The following SLC25A12 variants were observed in gnomAD, a reference collection of about 807,000 sequenced individuals.
The protein encoded by SLC25A12 is electrogenic aspartate/glutamate antiporter SLC25A12, mitochondrial.
A neutral mutation model predicts 83.3 loss-of-function variants in SLC25A12; 32 were observed. The ratio of observed to expected loss-of-function variants is 0.38; its 90% CI spans 0.29 to 0.52. SLC25A12 has a LOEUF of 0.52. SLC25A12 is among the 20% of genes least tolerant of loss of function. The pLI is 0.84. For missense variants in SLC25A12, 611 were observed against 835.6 expected (o/e 0.73, Z 3.31); for synonymous variants, 267 against 291.1 (o/e 0.92, Z 0.84).
At chr2:171,886,700 C>T (rs867763297) in intron 2 of SLC25A12, among the ~76,000 whole-genome samples, 2 of 151,936 alleles carry the variant, frequency 1.3e-5, no homozygotes, top group Non-Finnish European at 2.9e-5. Context: ...TTTGTAGAGA[C>T]AGGGTTTCAC....
chr2:171,874,779 A>G (rs551452139), intron 2 of SLC25A12, among the ~76,000 whole-genome samples: 84 of 152,358 alleles, frequency 5.5e-4, no homozygotes, highest in African/African-American at 1.9e-3. Flanking sequence ...TTAATGCAGA[A>G]ACAGAAAATC....
chr2:171,839,078 ACT>A (rs1191777413), intron 5 of SLC25A12, among the ~76,000 whole-genome samples: 5 of 152,222 alleles, frequency 3.3e-5, no homozygotes, highest in Admixed American at 2.0e-4. Flanking sequence ...TGTAAAATAG[ACT>A]CTGTAAATGC....
intron 17 of SLC25A12, among the ~76,000 whole-genome samples, 156 bp from the exon 18 acceptor site, chr2:171,785,631 A>G (rs890993315): frequency 3.9e-5 from 6 of 152,240 alleles, no homozygotes; most frequent in Non-Finnish European, 8.8e-5. Flanking sequence ...AACCACAGTC[A>G]TGATTTATAG....
At chr2:171,847,978 T>A (rs754016766) in intron 4 of SLC25A12, among the ~76,000 whole-genome samples, 2 of 152,230 alleles carry the variant, frequency 1.3e-5, no homozygotes, top group Non-Finnish European at 2.9e-5. Context: ...TTTAGCTGTA[T>A]CAGTCACTTA....
chr2:171,835,004 G>C, intron 6 of SLC25A12, 139 bp from the exon 7 acceptor site: 1 of 898,426 alleles, frequency 1.1e-6, no homozygotes, highest in Non-Finnish European at 1.8e-6. Flanking sequence ...TAAATACAAG[G>C]AAAGTATCAC....
chr2:171,815,172 G>A lies in SLC25A12; in HGVS notation c.961C>T (p.Leu321Phe), dbSNP rs1442445937. ...QSPGLGRPIW[L>F]QIAESAYRFT... ...CTGTAAGCAGACTCGGCAATCTGGA[G>A]CCAGATAGGCCTGCCTAACCCAGGA... Residue 321 changes from leucine to phenylalanine, a missense_variant, in exon 10 of 18, where the codon CTC (leucine) becomes TTC (phenylalanine). Transcript: ENST00000422440. 1 of 1,613,832 alleles carries A rather than the reference G, an allele frequency of 6.2e-7. No homozygotes were observed. Among genetic ancestry groups the A allele is most frequent in the Non-Finnish European group, 8.5e-7 (1 of 1,179,842 alleles).
At chr2:171,791,933 G>A (rs1335711954) in intron 14 of SLC25A12, among the ~76,000 whole-genome samples, 1 of 151,326 alleles carries the variant, frequency 6.6e-6, no homozygotes, top group Middle Eastern at 3.6e-3. Flanking sequence ...TCTTACTATG[G>A]TAAAAACACA....
In SLC25A12 at chr2:171,878,569, C is replaced by T. The variant is rs1031611250; in HGVS notation, c.67-9746G>A. Among the ~76,000 whole-genome samples the T allele has an allele frequency of 2.0e-5, 3 of 152,256 alleles. No individual in the cohort carries two copies. In the South Asian group the frequency reaches 6.2e-4, roughly 32 times the overall value. ...AGTATTCCTGGGCTTACCACGAGAT[C>T]GGTCCTGACTGGTCTAGGCAGCTTT... On this transcript the variant is annotated intron_variant, in intron 2 of 17. Coordinates refer to ENST00000422440, the MANE Select transcript of SLC25A12 (RefSeq NM_003705.5).
intron 4 of SLC25A12, among the ~76,000 whole-genome samples, chr2:171,849,291 C>T (rs1684864112): frequency 6.6e-6 from 1 of 151,714 alleles, no homozygotes; most frequent in East Asian, 1.9e-4. Flanking sequence ...ACTAATAACA[C>T]TCCACCTTTT....
intron 5 of SLC25A12, among the ~76,000 whole-genome samples, chr2:171,838,190 T>C (rs1684598054): frequency 6.6e-6 from 1 of 152,226 alleles, no homozygotes; most frequent in African/African-American, 2.4e-5. Context: ...GATTACATAA[T>C]TTTCATTCAC....
At chr2:171,879,447 C>T (rs753530610) in intron 2 of SLC25A12, among the ~76,000 whole-genome samples, 3 of 152,162 alleles carry the variant, frequency 2.0e-5, no homozygotes, top group Admixed American at 6.5e-5. Flanking sequence ...ATTTCTAACA[C>T]AGCAGGGAGG....
chr2:171,809,361 C>T (rs1683904396), intron 13 of SLC25A12: 1 of 515,072 alleles, frequency 1.9e-6, no homozygotes, highest in Non-Finnish European at 3.5e-6. Context: ...TCCTCTCCAG[C>T]ATCTGTTGTT....
intron 8 of SLC25A12, among the ~76,000 whole-genome samples, chr2:171,831,362 T>C (rs1357187282): frequency 6.6e-6 from 1 of 152,200 alleles, no homozygotes; most frequent in Non-Finnish European, 1.5e-5. Context: ...CCTGACCTTT[T>C]TGACTTTTGG....
At chr2:171,817,646 C>A (rs1264087147) in intron 9 of SLC25A12, among the ~76,000 whole-genome samples, 1 of 148,860 alleles carries the variant, frequency 6.7e-6, no homozygotes, top group African/African-American at 2.5e-5. Context: ...GTTATTTCCC[C>A]CACTTAGAGT....
At chr2:171,836,972 AC>A in intron 6 of SLC25A12, 148 bp downstream of exon 6, 1 of 712,818 alleles carries the variant, frequency 1.4e-6, no homozygotes, top group Non-Finnish European at 2.4e-6. Context: ...ACACACACAC[AC>A]ACACACACAC....
intron 3 of SLC25A12, among the ~76,000 whole-genome samples, chr2:171,867,615 A>AGAGAGGGAGAGGGAGACCGTGGG (rs1030171962): frequency 6.6e-6 from 1 of 152,170 alleles, no homozygotes; most frequent in African/African-American, 2.4e-5. Context: ...GACCATGGAA[A>AGAGAGGGAGAGGGAGACCGTGGG]GAGAGGGAGA....
Position 171,894,196 on chromosome 2 carries a change from G to T in SLC25A12, c.12+7C>A. 1 of 1,608,634 alleles carries T rather than the reference G, an allele frequency of 6.2e-7. No homozygotes were observed. Among genetic ancestry groups the T allele is most frequent in the East Asian group, 2.2e-5 (1 of 44,592 alleles). On this transcript the variant is annotated splice_region_variant and intron_variant, in intron 1 of 17. Coordinates refer to ENST00000422440, the MANE Select transcript of SLC25A12 (RefSeq NM_003705.5). ...CAATAAAAGCAGCAGCAGAGAGTTG[G>T]AGTCACCTTGACCGCCATGCTGTGC...
At chr2:171,825,409 T>C (rs1267617265) in intron 9 of SLC25A12, among the ~76,000 whole-genome samples, 1 of 152,210 alleles carries the variant, frequency 6.6e-6, no homozygotes, top group East Asian at 1.9e-4. Flanking sequence ...TAACCAAGTC[T>C]TCCCAAAGCG....
At chr2:171,845,986 A>G (rs1684789648) in intron 4 of SLC25A12, 1 of 274,178 alleles carries the variant, frequency 3.6e-6, no homozygotes, top group Non-Finnish European at 7.4e-6. Context: ...AACCAACACA[A>G]AAGATGATCC....
Sources: gnomAD v4.1 joint callset for allele counts (sites outside exome capture counted in the v4.1 genomes callset) on GRCh38, gnomAD v4.1.1 for gene constraint, MANE v1.5 for transcripts, NCBI Gene and HGNC (gene_info 2026-07-23, HGNC 2026-07-21) for gene names.